Variants in GMPS observed in about 807,000 individuals in gnomAD.
GMPS encodes guanosine monophosphate synthase.
Under a neutral mutation model 77.9 loss-of-function variants are expected in GMPS, and 15 were observed. The ratio of observed to expected loss-of-function variants is 0.19; its 90% CI spans 0.13 to 0.30. The LOEUF (loss-of-function observed/expected upper bound fraction) is 0.30, where lower values mean the gene tolerates loss of function less well. GMPS is among the 10% of genes least tolerant of loss of function. The probability of loss-of-function intolerance (pLI) is 1.00; values close to 1 mark genes in which losing one functional copy is unlikely to be tolerated. For missense variants in GMPS, 590 were observed against 838.8 expected (o/e 0.70, Z 3.66); for synonymous variants, 224 against 275.9 (o/e 0.81, Z 1.86).
intron 11 of GMPS, 127 bp downstream of exon 11, chr3:155,922,429 T>C (rs1250612767): frequency 1.6e-5 from 8 of 486,840 alleles, no homozygotes; most frequent in Middle Eastern, 5.4e-4. Flanking sequence ...TTGAAATGAC[T>C]GTGGAGAAAA....
intron 15 of GMPS, among the ~76,000 whole-genome samples, chr3:155,936,742 A>T (rs1298077097): frequency 6.6e-6 from 1 of 152,200 alleles, no homozygotes; most frequent in Non-Finnish European, 1.5e-5. Flanking sequence ...GTAATTGATT[A>T]TAATTTTATC....
At chr3:155,935,075 C>A (rs1318841735) in intron 14 of GMPS, 29 bp downstream of exon 14, 5 of 1,539,618 alleles carry the variant, frequency 3.2e-6, no homozygotes, top group African/African-American at 1.4e-5. Flanking sequence ...TGATTACTAC[C>A]CTCTGAAACT....
chr3:155,919,619 G>A (rs868582976), intron 10 of GMPS, among the ~76,000 whole-genome samples: 2 of 152,258 alleles, frequency 1.3e-5, no homozygotes, highest in African/African-American at 4.8e-5. Flanking sequence ...AAGACATAAA[G>A]ATATTTTAAT....
intron 13 of GMPS, among the ~76,000 whole-genome samples, chr3:155,932,839 T>C (rs1009464787): frequency 5.9e-5 from 9 of 152,198 alleles, no homozygotes; most frequent in Non-Finnish European, 1.2e-4. Context: ...TCAAATGAAC[T>C]GAAAACCGTC....
At chr3:155,902,875 A>G (rs957172705) in intron 3 of GMPS, among the ~76,000 whole-genome samples, 3 of 152,190 alleles carry the variant, frequency 2.0e-5, no homozygotes, top group Non-Finnish European at 4.4e-5. Flanking sequence ...CTTTAGTTTG[A>G]CAAATACTGT....
chr3:155,884,366 A>G (rs1434271129), intron 1 of GMPS, among the ~76,000 whole-genome samples: 1 of 150,958 alleles, frequency 6.6e-6, no homozygotes, highest in Non-Finnish European at 1.5e-5. Context: ...ACCCTGGGCA[A>G]CAGAGCGAGA....
intron 5 of GMPS, among the ~76,000 whole-genome samples, chr3:155,906,494 G>A (rs970248591): frequency 1.3e-5 from 2 of 152,038 alleles, no homozygotes; most frequent in African/African-American, 2.4e-5. Context: ...TTTGAAATAC[G>A]TTGAAAAATG....
intron 7 of GMPS, among the ~76,000 whole-genome samples, chr3:155,912,797 A>C (rs1323486202): frequency 6.6e-6 from 1 of 152,186 alleles, no homozygotes; most frequent in Non-Finnish European, 1.5e-5. Context: ...AGCCAATAAA[A>C]AGCAAGCTGA....
At position 155,900,389 on chromosome 3, in the gene GMPS, C is replaced by T. The variant is rs552512324; in HGVS notation, c.324+2348C>T. 2.4e-3 allele frequency among the ~76,000 whole-genome samples: 357 copies of T among 150,264 alleles called. 2 individuals carry two copies. The highest frequency in any genetic ancestry group is 8.5e-3 in the African/African-American group (348 of 41,062). ...GCTGGCTTCTTTTTTTTTTTTGTCC[C>T]AAGGTGTAATATATTTATATAATTT... On this transcript the variant is annotated intron_variant, in intron 3 of 15. Coordinates refer to ENST00000496455, the MANE Select transcript of GMPS (RefSeq NM_003875.3).
At chr3:155,912,628 G>A (rs180705422) in intron 7 of GMPS, among the ~76,000 whole-genome samples, 116 of 152,296 alleles carry the variant, frequency 7.6e-4, no homozygotes, top group African/African-American at 2.7e-3. Context: ...GTATAGTTAA[G>A]TACTTGTTAG....
intron 9 of GMPS, among the ~76,000 whole-genome samples, chr3:155,917,625 C>T (rs948234457): frequency 9.2e-5 from 14 of 151,948 alleles, no homozygotes; most frequent in Non-Finnish European, 1.8e-4. Flanking sequence ...TCATGCCTAG[C>T]GCTTTGGGAG....
At chr3:155,891,887 T>C (rs1374970634) in intron 1 of GMPS, among the ~76,000 whole-genome samples, 1 of 152,140 alleles carries the variant, frequency 6.6e-6, no homozygotes, top group Non-Finnish European at 1.5e-5. Context: ...ATTACAGCTG[T>C]GAGCCACCAT....
intron 1 of GMPS, among the ~76,000 whole-genome samples, chr3:155,872,286 CTT>C (rs1415362916): frequency 6.6e-6 from 1 of 152,194 alleles, no homozygotes. Context: ...GATTTTAACT[CTT>C]TTAAACCAAG....
chr3:155,910,276 CAAAT>C (rs1248736148), intron 5 of GMPS, among the ~76,000 whole-genome samples: 13 of 149,622 alleles, frequency 8.7e-5, no homozygotes, highest in Admixed American at 5.3e-4. Context: ...AACAAACAAA[CAAAT>C]AAAATTGGCT....
chr3:155,878,103 C>G (rs1425815283), intron 1 of GMPS, among the ~76,000 whole-genome samples: 3 of 152,116 alleles, frequency 2.0e-5, no homozygotes, highest in Non-Finnish European at 4.4e-5. Context: ...GGGTACTAAT[C>G]CTATCCGTGT....
intron 11 of GMPS, among the ~76,000 whole-genome samples, chr3:155,923,402 A>G (rs1755369343): frequency 6.6e-6 from 1 of 152,152 alleles, no homozygotes; most frequent in Non-Finnish European, 1.5e-5. Flanking sequence ...TAATTCCTCC[A>G]CACTGGTAAA....
At chr3:155,910,571 A>AAG (rs376377167) in intron 5 of GMPS, 121 bp from the exon 6 acceptor site, 18,772 of 318,356 alleles carry the variant, frequency 0.059, 253 homozygotes, top group East Asian at 0.17. Flanking sequence ...TCTGTCTCAA[A>AAG]AAAAAAAAAA....
Position 155,936,344 on chromosome 3 carries a change from C to G in GMPS, c.1814C>G (p.Ala605Gly), listed in dbSNP as rs780915192. Residue 605 changes from alanine to glycine, a missense_variant, in exon 15 of 16, where the codon GCT becomes GGT. Physicochemically the swap from Ala to Gly is moderately conservative, Grantham distance 60. Transcript: ENST00000496455. ...AHNILRESGY[A>G]GKISQMPVIL... Reference sequence around the variant, plus strand: ...TACATATACCTTTCTCTAGGGTATGCTGGGAAAATCAGCCAGATGCCGGTG... The same window carrying G: ...TACATATACCTTTCTCTAGGGTATGGTGGGAAAATCAGCCAGATGCCGGTG... 9 of 1,605,142 alleles carry G rather than the reference C, an allele frequency of 5.6e-6. No homozygotes were observed. Among genetic ancestry groups the G allele is most frequent in the Middle Eastern group, 2.2e-4 (1 of 4,528 alleles).
intron 8 of GMPS, among the ~76,000 whole-genome samples, chr3:155,915,594 G>C (rs751443685): frequency 1.8e-4 from 27 of 152,100 alleles, no homozygotes; most frequent in Admixed American, 1.3e-4. Context: ...TAGAGACGGG[G>C]TTTCACCATG....
Sources: gnomAD v4.1 joint callset for allele counts (sites outside exome capture counted in the v4.1 genomes callset) on GRCh38, gnomAD v4.1.1 for gene constraint, MANE v1.5 for transcripts, NCBI Gene and HGNC (gene_info 2026-07-23, HGNC 2026-07-21) for gene names.